The following CCPG1 variants were observed in gnomAD, a reference collection of about 807,000 sequenced individuals.
CCPG1 encodes cell cycle progression protein 1.
CCPG1 carries 46 observed loss-of-function variants against 81.3 expected under a neutral mutation model. The observed-to-expected ratio is 0.57, with a 90% confidence interval of 0.45 to 0.72. The LOEUF is 0.72. Among genes scored for constraint, CCPG1 ranks in the 30% least tolerant of loss-of-function variants. CCPG1 has a pLI of 0.00. For missense variants in CCPG1, 902 were observed against 937.6 expected, an observed-to-expected ratio of 0.96 and a Z score of 0.50; for synonymous variants, 330 against 305.2, an observed-to-expected ratio of 1.08 and a Z score of -0.85.
At chr15:55,379,790 T>C (rs947005253) in intron 3 of CCPG1, among the ~76,000 whole-genome samples, 2 of 152,042 alleles carry the variant, frequency 1.3e-5, no homozygotes, top group African/African-American at 2.4e-5. Context: ...GACTTCACAA[T>C]ATATTTTTAA....
intron 1 of CCPG1, among the ~76,000 whole-genome samples, chr15:55,396,745 T>C (rs977429747): frequency 2.6e-5 from 4 of 152,150 alleles, no homozygotes; most frequent in African/African-American, 9.7e-5. Context: ...ATTGCTGAAG[T>C]ATATGTGAGC....
chr15:55,404,444 G>A (rs1489709617), intron 1 of CCPG1, among the ~76,000 whole-genome samples: 1 of 152,098 alleles, frequency 6.6e-6, no homozygotes, highest in African/African-American at 2.4e-5. Context: ...CTACTTACCA[G>A]TCCATATCCA....
At chr15:55,389,096 A>G (rs2056863100) in intron 2 of CCPG1, among the ~76,000 whole-genome samples, 1 of 150,314 alleles carries the variant, frequency 6.7e-6, no homozygotes, top group African/African-American at 2.4e-5. Context: ...AAAAGACAAA[A>G]TTATATGAAA....
At chr15:55,396,126 C>T (rs2057012337) in intron 1 of CCPG1, among the ~76,000 whole-genome samples, 1 of 145,574 alleles carries the variant, frequency 6.9e-6, no homozygotes, top group Admixed American at 7.2e-5. Context: ...TGCACTCCAG[C>T]CTGGGCAACA....
At chr15:55,357,636 G>A (rs1196806695) in intron 8 of CCPG1, 1 of 157,118 alleles carries the variant, frequency 6.4e-6, no homozygotes. Flanking sequence ...GATCACTTGA[G>A]GTCAGGATTT....
chr15:55,382,481 A>G (rs7164984), intron 3 of CCPG1, among the ~76,000 whole-genome samples: 26,908 of 151,666 alleles, frequency 0.18, 4,143 homozygotes, highest in African/African-American at 0.42. Context: ...TGAGATTACA[A>G]CAATTGGATC....
intron 1 of CCPG1, among the ~76,000 whole-genome samples, chr15:55,403,443 GA>G (rs770654976): frequency 2.7e-4 from 41 of 151,410 alleles, no homozygotes; most frequent in Non-Finnish European, 4.9e-4. Flanking sequence ...TGTGATGACA[GA>G]AAAAAATACT....
At chr15:55,363,085 C>G (rs762171400) in intron 7 of CCPG1, among the ~76,000 whole-genome samples, 1 of 151,508 alleles carries the variant, frequency 6.6e-6, no homozygotes, top group African/African-American at 2.4e-5. Context: ...CAGTGACTCA[C>G]GCCTGTAATC....
chr15:55,384,521 C>T (rs373242541), intron 3 of CCPG1, among the ~76,000 whole-genome samples: 1 of 151,962 alleles, frequency 6.6e-6, no homozygotes, highest in African/African-American at 2.4e-5. Flanking sequence ...TAGCTGGGCA[C>T]GGTGGCGCAT....
chr15:55,407,246 G>C (rs1414069434), intron 1 of CCPG1, among the ~76,000 whole-genome samples: 1 of 144,276 alleles, frequency 6.9e-6, no homozygotes, highest in Admixed American at 7.0e-5. Context: ...AAAAAAATAT[G>C]AATTAAAATA....
At chr15:55,382,710 C>A (rs2056725739) in intron 3 of CCPG1, among the ~76,000 whole-genome samples, 1 of 152,094 alleles carries the variant, frequency 6.6e-6, no homozygotes, top group African/African-American at 2.4e-5. Context: ...GGGATTTCAC[C>A]GTGTGAGCCA....
chr15:55,378,698 G>A (rs1335632015), intron 3 of CCPG1, among the ~76,000 whole-genome samples: 2 of 151,760 alleles, frequency 1.3e-5, no homozygotes, highest in South Asian at 2.1e-4. Flanking sequence ...CTGCCTCCTG[G>A]GTTCAAGTGA....
At position 55,359,794 on chromosome 15, in the gene CCPG1, A is replaced by G; in HGVS notation, c.1979T>C (p.Ile660Thr). Reference protein sequence around the residue: ...PIRMDEFRQIIQRYMLKELDT... With the variant: ...PIRMDEFRQITQRYMLKELDT... ...CAGTTCTTTTAACATGTACCTTTGAATTATCTGTCTAAATTCATCCATCCT... is the reference window on the plus strand; with the variant it reads ...CAGTTCTTTTAACATGTACCTTTGAGTTATCTGTCTAAATTCATCCATCCT... The change falls in exon 8 of 9, where the codon ATT becomes ACT. Residue 660 changes from isoleucine to threonine, a missense_variant. Physicochemically the swap from Ile to Thr is moderately conservative, Grantham distance 89. Coordinates refer to ENST00000442196, the MANE Select transcript of CCPG1 (RefSeq NM_001204450.2). The G allele has an allele frequency of 6.2e-7, 1 of 1,613,298 alleles. No individual in the cohort carries two copies. Among genetic ancestry groups the G allele is most frequent in the Non-Finnish European group, 8.5e-7 (1 of 1,179,830 alleles).
intron 7 of CCPG1, among the ~76,000 whole-genome samples, chr15:55,364,168 T>C (rs995393841): frequency 1.3e-5 from 2 of 150,586 alleles, no homozygotes; most frequent in Admixed American, 6.6e-5. Context: ...AAAAACTAGA[T>C]AAGAGACCAG....
At chr15:55,373,217 T>C (rs57576913) in intron 5 of CCPG1, among the ~76,000 whole-genome samples, 1,699 of 152,320 alleles carry the variant, frequency 0.011, 28 homozygotes, top group African/African-American at 0.035. Flanking sequence ...GTCAACAAAC[T>C]ATTATGTTGA....
At chr15:55,369,149 G>C (rs1043533554) in intron 6 of CCPG1, among the ~76,000 whole-genome samples, 1 of 151,882 alleles carries the variant, frequency 6.6e-6, no homozygotes, top group Non-Finnish European at 1.5e-5. Context: ...GAATGACTAT[G>C]GGATGCAATG....
rs2056068422 is a variant in CCPG1, at chr15:55,355,873, GT to G, written c.*346del. The G allele has an allele frequency of 3.6e-6, 1 of 274,576 alleles. No individual in the cohort carries two copies. Among genetic ancestry groups the G allele is most frequent in the Admixed American group, 5.1e-5 (1 of 19,424 alleles). 17.0% of individuals were successfully genotyped at this position (274,576 alleles called of 1,614,324 possible). Reference sequence around the variant, plus strand: ...TGCTGCAAATTTAACACAAACATCAGTGTTAATTACACTTTGTCATGTATGA... The same window carrying G: ...TGCTGCAAATTTAACACAAACATCAGGTTAATTACACTTTGTCATGTATGA... On this transcript the variant is annotated 3_prime_UTR_variant, in exon 9 of 9. Transcript: ENST00000442196.
At position 55,407,046 on chromosome 15, in the gene CCPG1, C is replaced by G. The variant is rs12900164; in HGVS notation, c.-10+1175G>C. Among the ~76,000 whole-genome samples the G allele has an allele frequency of 1.5e-5, 2 of 136,270 alleles. 1 individual carries two copies. Among genetic ancestry groups the G allele is most frequent in the African/African-American group, 6.8e-5 (2 of 29,324 alleles). The allele number at this position is 136,270 out of a possible 152,430, so 89.4% of individuals were successfully genotyped here. Reference sequence around the variant, plus strand: ...TGGCCGACACGTTGAGACCCCCCCCCCCGCCCCGCCGTCTCTACTAAAAAT... The same window carrying G: ...TGGCCGACACGTTGAGACCCCCCCCGCCGCCCCGCCGTCTCTACTAAAAAT... On this transcript the variant is annotated intron_variant, in intron 1 of 8. Coordinates refer to ENST00000442196, the MANE Select transcript of CCPG1 (RefSeq NM_001204450.2).
chr15:55,402,502 T>C (rs1443710186), intron 1 of CCPG1, among the ~76,000 whole-genome samples: 1 of 152,214 alleles, frequency 6.6e-6, no homozygotes, highest in African/African-American at 2.4e-5. Context: ...GTGCTGGGAT[T>C]ACAGGCATGA....
Sources: gnomAD v4.1 joint callset for allele counts (sites outside exome capture counted in the v4.1 genomes callset) on GRCh38, gnomAD v4.1.1 for gene constraint, MANE v1.5 for transcripts, NCBI Gene and HGNC (gene_info 2026-07-23, HGNC 2026-07-21) for gene names.